The following PDE9A variants were observed in gnomAD, a reference collection of about 807,000 sequenced individuals.
The protein encoded by PDE9A is high affinity cGMP-specific 3',5'-cyclic phosphodiesterase 9A.
PDE9A carries 60 observed loss-of-function variants against 87.4 expected under a neutral mutation model. The ratio of observed to expected loss-of-function variants is 0.69; its 90% confidence interval spans 0.56 to 0.85. PDE9A has a LOEUF of 0.85. Among genes scored for constraint, PDE9A ranks in the 40% least tolerant of loss-of-function variants. The pLI, the probability that PDE9A is intolerant of heterozygous loss-of-function variation, is 0.00. For missense variants in PDE9A, 665 were observed against 779.0 expected (o/e 0.85, Z 1.74); for synonymous variants, 272 against 279.4 (o/e 0.97, Z 0.27).
At position 42,675,956 on chromosome 21, in the gene PDE9A, G is replaced by A. The variant is rs904787557; in HGVS notation, c.70-10236G>A. ...GGGTGGGTTTCTCACAAATGGTTTA[G>A]TGCCATCCCCTTGGTGCTATCCTTG... On this transcript the variant is annotated intron_variant, in intron 1 of 19. Transcript: ENST00000291539. This position sits in a 1 kb window ranked among gnomAD's most constrained non-coding sequence, Gnocchi z 4.3. Among the ~76,000 whole-genome samples, 3 of 152,198 alleles carry A rather than the reference G, an allele frequency of 2.0e-5. No homozygotes were observed. Among genetic ancestry groups the A allele is most frequent in the Non-Finnish European group, 2.9e-5 (2 of 68,040 alleles).
rs182891200 is a variant in PDE9A, at chr21:42,738,155, G to A, written c.568+4729G>A. ...TCTGCTCCATCCACCCTTTGTCCCT[G>A]TGCTCTGGGCTTGGACCAAAACCTA... On this transcript the variant is annotated intron_variant, in intron 7 of 19. Coordinates refer to ENST00000291539, the MANE Select transcript of PDE9A (RefSeq NM_002606.3). Among the ~76,000 whole-genome samples, 1,038 of 152,256 alleles carry A rather than the reference G, an allele frequency of 6.8e-3. 20 individuals are homozygous for A. The highest frequency in any genetic ancestry group is 0.042 in the Admixed American group (640 of 15,304).
chr21:42,722,508 G>A lies in PDE9A; in HGVS notation c.263-9262G>A, dbSNP rs138217153. Among the ~76,000 whole-genome samples, 1,762 of 152,310 alleles carry A rather than the reference G, an allele frequency of 0.012. 20 individuals are homozygous for A. Among genetic ancestry groups the A allele is most frequent in the Middle Eastern group, 0.041 (12 of 294 alleles). ...TCCCAGGCCACACACACACGCCCTT[G>A]TGATGTATTATTCCCTCTACTCTTG... On this transcript the variant is annotated intron_variant, in intron 4 of 19. Transcript: ENST00000291539. This position sits in a 1 kb window ranked among gnomAD's most constrained non-coding sequence, Gnocchi z 4.1.
chr21:42,683,840 G>A (rs572782766), intron 1 of PDE9A, among the ~76,000 whole-genome samples: 39 of 152,280 alleles, frequency 2.6e-4, no homozygotes, highest in Non-Finnish European at 4.7e-4. Context: ...ATCATCCCCC[G>A]TGCACTCTGA....
intron 9 of PDE9A, among the ~76,000 whole-genome samples, chr21:42,752,667 A>C (rs1255771967): frequency 6.6e-6 from 1 of 152,228 alleles, no homozygotes; most frequent in Non-Finnish European, 1.5e-5. Flanking sequence ...CACAGCCTAG[A>C]TCCAAAATAA....
chr21:42,737,098 G>A (rs528429552), intron 7 of PDE9A, among the ~76,000 whole-genome samples: 11 of 152,366 alleles, frequency 7.2e-5, no homozygotes, highest in African/African-American at 1.7e-4. Context: ...GGGTAGGTGC[G>A]CGCCCAGCTT....
chr21:42,714,400 C>T (rs1293429274), intron 4 of PDE9A, among the ~76,000 whole-genome samples: 2 of 152,200 alleles, frequency 1.3e-5, no homozygotes, highest in East Asian at 1.9e-4. Flanking sequence ...GTGAGCAGAG[C>T]CCCCAAGTCT....
At chr21:42,755,012 G>T (rs1202012840) in intron 10 of PDE9A, among the ~76,000 whole-genome samples, 1 of 152,302 alleles carries the variant, frequency 6.6e-6, no homozygotes, top group South Asian at 2.1e-4. Context: ...AAAAATACAA[G>T]AATGGGGAAT....
chr21:42,715,909 C>G (rs1407857891), intron 4 of PDE9A, among the ~76,000 whole-genome samples: 1 of 151,668 alleles, frequency 6.6e-6, no homozygotes, highest in African/African-American at 2.4e-5. Flanking sequence ...CTGTGCGCCA[C>G]CTATTCATCC....
intron 7 of PDE9A, among the ~76,000 whole-genome samples, chr21:42,736,058 G>A (rs575893053): frequency 3.9e-5 from 6 of 152,032 alleles, no homozygotes; most frequent in African/African-American, 7.2e-5. Context: ...AGATGCCCGC[G>A]GGCAGCAGGT....
intron 4 of PDE9A, among the ~76,000 whole-genome samples, chr21:42,710,388 G>A (rs1404272011): frequency 2.8e-5 from 4 of 141,794 alleles, no homozygotes; most frequent in African/African-American, 1.1e-4. Context: ...CAGTCTGGGC[G>A]ACAGAGCGAG....
chr21:42,720,619 C>G (rs1262014364), intron 4 of PDE9A, among the ~76,000 whole-genome samples: 1 of 152,206 alleles, frequency 6.6e-6, no homozygotes, highest in Non-Finnish European at 1.5e-5. Flanking sequence ...CTTTGCAGCT[C>G]TAAATAGGAA....
intron 1 of PDE9A, among the ~76,000 whole-genome samples, chr21:42,674,316 C>CTTTTTTTTTTTTTTTTTTT (rs34238765): frequency 3.3e-4 from 45 of 134,576 alleles, no homozygotes; most frequent in Non-Finnish European, 5.6e-4. Flanking sequence ...TTTAGACATT[C>CTTTTTTTTTTTTTTTTTTT]TTTTTTTTTT....
chr21:42,751,167 T>C lies in PDE9A; in HGVS notation c.705T>C (p.Thr235=). Residue 235 remains threonine, a synonymous_variant, in exon 9 of 20, where the codon ACT becomes ACC. Transcript: ENST00000291539. The part of the protein sequence containing the change: ...YSFLDNHKKL[T]PRRDVPTYPK... Reference sequence around the variant, plus strand: ...TTTTGGATAACCACAAGAAGTTGACTCCTCGACGCGATGTTCCCACTTACC... The same window carrying C: ...TTTTGGATAACCACAAGAAGTTGACCCCTCGACGCGATGTTCCCACTTACC... The C allele has an allele frequency of 6.2e-7, 1 of 1,613,150 alleles. No homozygotes were observed. Among genetic ancestry groups the C allele is most frequent in the Non-Finnish European group, 8.5e-7 (1 of 1,179,208 alleles).
chr21:42,662,871 CACCA>C (rs1371304464), intron 1 of PDE9A, among the ~76,000 whole-genome samples: 1 of 144,862 alleles, frequency 6.9e-6, no homozygotes, highest in East Asian at 2.1e-4. Context: ...CACACGTACA[CACCA>C]CACACAGCAC....
At position 42,763,101 on chromosome 21, in the gene PDE9A, C is replaced by T. The variant is rs557389602; in HGVS notation, c.1242+862C>T. 4.6e-5 allele frequency among the ~76,000 whole-genome samples: 7 copies of T among 152,172 alleles called. No individual in the cohort carries two copies. In the South Asian group the frequency reaches 1.0e-3, roughly 23 times the overall value. On this transcript the variant is annotated intron_variant, in intron 14 of 19. Transcript: ENST00000291539. ...GATGACCTGGTCCACCTGCCCCAGA[C>T]AAACACCTCCAGCTCACCGAAATAA...
rs997221317 is a variant in PDE9A at position 42,653,716 on chromosome 21, C to CCCCG, written c.-91_-88dup. ...GGTTGGCTGAGCGCCGCGGGCCGCC[C>CCCCG]CCCGCCCGCCCCCTCCCCTGCTCCC... On this transcript the variant is annotated 5_prime_UTR_variant, in exon 1 of 20. Coordinates refer to ENST00000291539, the MANE Select transcript of PDE9A (RefSeq NM_002606.3). The CCCCG allele has an allele frequency of 2.8e-5, 8 of 287,948 alleles. No individual in the cohort carries two copies. The highest frequency in any genetic ancestry group is 5.4e-5 in the Non-Finnish European group (8 of 149,294). The allele number at this position is 287,948 out of a possible 1,614,324, so 17.8% of individuals were successfully genotyped here.
chr21:42,692,344 C>G lies in PDE9A; in HGVS notation c.218+4350C>G, dbSNP rs977015283. 1.3e-5 allele frequency among the ~76,000 whole-genome samples: 2 copies of G among 152,142 alleles called. No homozygotes were observed. Among genetic ancestry groups the G allele is most frequent in the African/African-American group, 4.8e-5 (2 of 41,434 alleles). ...TACTTGTATCTGATGGGTGGAGACC[C>G]GGGATGCCAATGGCATCCTACAGCG... On this transcript the variant is annotated intron_variant, in intron 3 of 19. Transcript: ENST00000291539. This position sits in a 1 kb window ranked among gnomAD's most constrained non-coding sequence, Gnocchi z 4.3.
intron 1 of PDE9A, among the ~76,000 whole-genome samples, chr21:42,658,990 T>C (rs923950461): frequency 7.9e-5 from 12 of 152,278 alleles, no homozygotes; most frequent in African/African-American, 2.9e-4. Flanking sequence ...TCCACCTGAA[T>C]TGAAGCTGGG....
chr21:42,743,789 A>G lies in PDE9A; in HGVS notation c.582A>G (p.Lys194=). 1 of 1,589,948 alleles carries G rather than the reference A, an allele frequency of 6.3e-7. No homozygotes were observed. The highest frequency in any genetic ancestry group is 8.6e-7 in the Non-Finnish European group (1 of 1,166,582). The change falls in exon 8 of 20, where the codon AAA becomes AAG. Residue 194 remains lysine, a synonymous_variant. Coordinates refer to ENST00000291539, the MANE Select transcript of PDE9A (RefSeq NM_002606.3). The part of the protein sequence containing the change: ...LEKRVELEGL[K]VVEIEKCKSD... ...CTCTGTCACCAGTGGAAGGACTAAA[A>G]GTGGTGGAGATTGAGAAATGCAAGA... is the stretch of plus-strand genomic sequence containing the variant.
Sources: gnomAD v4.1 joint callset for allele counts (sites outside exome capture counted in the v4.1 genomes callset) on GRCh38, gnomAD v4.1.1 for gene constraint, Gnocchi (gnomAD v3.1) non-coding constraint, MANE v1.5 for transcripts, NCBI Gene and HGNC (gene_info 2026-07-23, HGNC 2026-07-21) for gene names.